MGAT4C: variants seen among roughly 807,000 people sequenced by gnomAD.
The protein encoded by MGAT4C is alpha-1,3-mannosyl-glycoprotein 4-beta-N-acetylglucosaminyltransferase C.
A neutral mutation model predicts 40.1 loss-of-function variants in MGAT4C; 19 were observed. The observed-to-expected ratio is 0.47, with a 90% confidence interval of 0.33 to 0.70. MGAT4C has a LOEUF of 0.70. Ranked by LOEUF, MGAT4C falls within the 30% of genes least tolerant of loss-of-function variation. MGAT4C has a pLI of 0.02. For synonymous variants in MGAT4C, 181 were observed against 187.1 expected (o/e 0.97, Z 0.27); for missense variants, 491 against 563.2 (o/e 0.87, Z 1.30).
chr12:86,450,660 G>T (rs1468913015), intron 2 of MGAT4C, among the ~76,000 whole-genome samples: 1 of 151,790 alleles, frequency 6.6e-6, no homozygotes, highest in Non-Finnish European at 1.5e-5. Context: ...AAGATCCTTG[G>T]AATTAATTAC....
chr12:86,740,527 A>G (rs1394523713), intron 1 of MGAT4C, among the ~76,000 whole-genome samples: 1 of 151,200 alleles, frequency 6.6e-6, no homozygotes, highest in Non-Finnish European at 1.5e-5. Context: ...ATATTTTTGA[A>G]ATTTAATGCC....
intron 1 of MGAT4C, among the ~76,000 whole-genome samples, chr12:86,774,283 C>CTTTCTTTCTTTCTTTCTT (rs1235337745): frequency 2.5e-3 from 43 of 16,934 alleles, no homozygotes; most frequent in Admixed American, 4.7e-3. Flanking sequence ...AAGGCTTGCT[C>CTTTCTTTCTTTCTTTCTT]TTTCTTTCTT....
chr12:86,224,953 C>A (rs985801086), intron 1 of MGAT4C, among the ~76,000 whole-genome samples: 2 of 151,304 alleles, frequency 1.3e-5, no homozygotes, highest in African/African-American at 4.9e-5. Context: ...CATAAAGAAA[C>A]CAAAATAGAG....
At chr12:86,313,917 C>A (rs939493117) in intron 4 of MGAT4C, among the ~76,000 whole-genome samples, 14 of 152,150 alleles carry the variant, frequency 9.2e-5, no homozygotes, top group Non-Finnish European at 1.3e-4. Flanking sequence ...ATTGCTGAAA[C>A]TATAGGGACC....
intron 1 of MGAT4C, among the ~76,000 whole-genome samples, chr12:86,100,591 G>A (rs1412324542): frequency 1.3e-5 from 2 of 151,294 alleles, no homozygotes; most frequent in South Asian, 2.1e-4. Flanking sequence ...TGACATATAC[G>A]ATGGTTTGCT....
At chr12:86,239,406 A>C (rs2452802) in intron 1 of MGAT4C, among the ~76,000 whole-genome samples, 67 of 151,158 alleles carry the variant, frequency 4.4e-4, no homozygotes, top group Middle Eastern at 3.4e-3. Flanking sequence ...AGCCACAGCC[A>C]TCTCTCTCTC....
intron 2 of MGAT4C, among the ~76,000 whole-genome samples, chr12:86,489,856 G>C (rs1285488794): frequency 1.3e-5 from 2 of 152,210 alleles, no homozygotes; most frequent in Non-Finnish European, 2.9e-5. Context: ...AATGAAGCGA[G>C]AAGGGAAGTT....
intron 4 of MGAT4C, among the ~76,000 whole-genome samples, chr12:86,291,400 G>C (rs1224682836): frequency 2.0e-5 from 3 of 152,196 alleles, no homozygotes; most frequent in Non-Finnish European, 4.4e-5. Flanking sequence ...CATGGAGGAT[G>C]AGAAGAAATA....
chr12:86,764,830 A>C (rs1240529550), intron 1 of MGAT4C, among the ~76,000 whole-genome samples: 1 of 152,170 alleles, frequency 6.6e-6, no homozygotes, highest in Non-Finnish European at 1.5e-5. Context: ...GAAAACTAAC[A>C]AACAGAAAGG....
intron 2 of MGAT4C, among the ~76,000 whole-genome samples, chr12:86,550,891 A>G (rs1247784748): frequency 6.6e-6 from 1 of 152,090 alleles, no homozygotes; most frequent in Non-Finnish European, 1.5e-5. Flanking sequence ...ACAGCCCTAC[A>G]TTGCTTCCCC....
intron 2 of MGAT4C, among the ~76,000 whole-genome samples, chr12:86,019,840 A>C (rs1418033966): frequency 6.6e-6 from 1 of 152,222 alleles, no homozygotes; most frequent in Non-Finnish European, 1.5e-5. Context: ...ATGTTCTTCC[A>C]TTTGTTTGTA....
At chr12:86,175,593 A>G (rs1214193157) in intron 1 of MGAT4C, among the ~76,000 whole-genome samples, 1 of 152,066 alleles carries the variant, frequency 6.6e-6, no homozygotes, top group Admixed American at 6.6e-5. Context: ...TGGCTTTGTA[A>G]TGTCAAACGT....
intron 2 of MGAT4C, among the ~76,000 whole-genome samples, chr12:86,589,458 G>T (rs1328447488): frequency 2.6e-5 from 4 of 151,770 alleles, no homozygotes; most frequent in Admixed American, 1.3e-4. Context: ...ATTCACAGCC[G>T]AATTCTACCA....
intron 2 of MGAT4C, among the ~76,000 whole-genome samples, chr12:86,580,430 A>T (rs1399062807): frequency 1.3e-5 from 2 of 151,492 alleles, no homozygotes; most frequent in African/African-American, 4.8e-5. Context: ...GGTTCATAGT[A>T]GGTACTCAAT....
At chr12:86,209,997 T>C (rs921572116) in intron 1 of MGAT4C, among the ~76,000 whole-genome samples, 4 of 152,208 alleles carry the variant, frequency 2.6e-5, no homozygotes, top group African/African-American at 9.6e-5. Context: ...AGATTATGTT[T>C]CCATTATTCT....
At chr12:86,461,131 A>C (rs568313219) in intron 2 of MGAT4C, among the ~76,000 whole-genome samples, 1 of 152,280 alleles carries the variant, frequency 6.6e-6, no homozygotes, top group Admixed American at 6.5e-5. Context: ...TAGATTTGAC[A>C]AACAGCATAA....
intron 4 of MGAT4C, among the ~76,000 whole-genome samples, chr12:86,290,213 A>C (rs1285327229): frequency 6.6e-6 from 1 of 151,952 alleles, no homozygotes; most frequent in Admixed American, 6.6e-5. Flanking sequence ...TGCCCAGCTA[A>C]TTTTTGTATT....
At chr12:86,423,417 A>G (rs762185848) in intron 3 of MGAT4C, among the ~76,000 whole-genome samples, 1 of 151,978 alleles carries the variant, frequency 6.6e-6, no homozygotes. Flanking sequence ...CTCAGAAAAC[A>G]TAAGGTAATG....
At chr12:86,511,330 C>T (rs539078413) in intron 2 of MGAT4C, among the ~76,000 whole-genome samples, 2 of 152,220 alleles carry the variant, frequency 1.3e-5, no homozygotes, top group South Asian at 2.1e-4. Flanking sequence ...CTCTGGGACG[C>T]ATTTAATATT....
Sources: allele counts gnomAD v4.1 joint callset (sites outside exome capture counted in the v4.1 genomes callset), GRCh38; gene constraint gnomAD v4.1.1; transcripts MANE v1.5; gene names NCBI Gene and HGNC (gene_info 2026-07-23, HGNC 2026-07-21).